Variants in NCKAP5 observed in about 807,000 individuals in gnomAD.
The protein encoded by NCKAP5 is nck-associated protein 5.
In NCKAP5, 92 loss-of-function variants were observed where a neutral mutation model predicts 167.0. The observed-to-expected ratio is 0.55, with a 90% CI of 0.47 to 0.66. NCKAP5 has a LOEUF of 0.66. NCKAP5 is among the 30% of genes least tolerant of loss of function. NCKAP5 has a pLI of 0.00. For synonymous variants in NCKAP5, 891 were observed against 877.4 expected, an observed-to-expected ratio of 1.02 and a Z score of -0.27; for missense variants, 2,378 against 2,315.0, an observed-to-expected ratio of 1.03 and a Z score of -0.56.
At chr2:132,698,357 AC>A (rs1436640833) in intron 19 of NCKAP5, among the ~76,000 whole-genome samples, 2 of 152,258 alleles carry the variant, frequency 1.3e-5, no homozygotes, top group Non-Finnish European at 2.9e-5. Context: ...TCTTTAGAGC[AC>A]AAAAGGCAGA....
At chr2:133,231,054 G>T (rs1035326706) in intron 4 of NCKAP5, among the ~76,000 whole-genome samples, 4 of 152,134 alleles carry the variant, frequency 2.6e-5, no homozygotes, top group Non-Finnish European at 5.9e-5. Flanking sequence ...ATATTGTGAG[G>T]CTCCCTCCAA....
intron 8 of NCKAP5, chr2:132,911,028 C>T (rs1168318409): frequency 5.4e-6 from 1 of 186,574 alleles, no homozygotes; most frequent in Non-Finnish European, 1.2e-5. Flanking sequence ...GCCATGTTGT[C>T]TTCTGACCGA....
intron 19 of NCKAP5, among the ~76,000 whole-genome samples, chr2:132,698,864 A>C (rs1687592737): frequency 6.6e-6 from 1 of 152,034 alleles, no homozygotes; most frequent in African/African-American, 2.4e-5. Context: ...AACAAAAAAA[A>C]AAGTGCAAAT....
At chr2:133,016,426 C>G (rs1043491373) in intron 6 of NCKAP5, among the ~76,000 whole-genome samples, 4 of 152,126 alleles carry the variant, frequency 2.6e-5, no homozygotes, top group Non-Finnish European at 4.4e-5. Context: ...TGCATTTCAC[C>G]AAAATCTGAT....
At chr2:133,613,347 A>G in the NCKAP5 span, among the ~76,000 whole-genome samples, 1 of 152,214 alleles carries the variant, frequency 6.6e-6, no homozygotes, top group Non-Finnish European at 1.5e-5. Context: ...ATAATTATTA[A>G]GAAAGATTTT....
At chr2:133,585,494 G>A in the NCKAP5 span, among the ~76,000 whole-genome samples, 3 of 152,134 alleles carry the variant, frequency 2.0e-5, no homozygotes, top group Non-Finnish European at 2.9e-5. Flanking sequence ...TGGTTGAGTC[G>A]GGAATGCAGG....
chr2:133,171,963 G>A (rs1433338057), intron 5 of NCKAP5, among the ~76,000 whole-genome samples: 1 of 152,126 alleles, frequency 6.6e-6, no homozygotes, highest in Non-Finnish European at 1.5e-5. Context: ...ATGATAAAAT[G>A]TCTATTTGAC....
At chr2:133,029,144 T>C (rs1207430772) in intron 6 of NCKAP5, among the ~76,000 whole-genome samples, 1 of 152,228 alleles carries the variant, frequency 6.6e-6, no homozygotes, top group Non-Finnish European at 1.5e-5. Context: ...GGTTCTCGGC[T>C]ATGTCCTAGG....
At chr2:132,691,775 G>A (rs1686761909) in intron 19 of NCKAP5, among the ~76,000 whole-genome samples, 1 of 152,032 alleles carries the variant, frequency 6.6e-6, no homozygotes, top group Non-Finnish European at 1.5e-5. Flanking sequence ...CCCCAAGATA[G>A]CCTCTCCTCC....
At chr2:132,994,024 G>A (rs2077519803) in intron 7 of NCKAP5, 128 bp downstream of exon 7, 1 of 562,070 alleles carries the variant, frequency 1.8e-6, no homozygotes, top group Non-Finnish European at 3.1e-6. Flanking sequence ...GAGGTGACTA[G>A]GTGGCTTTTA....
chr2:132,783,575 G>A lies in NCKAP5; in HGVS notation c.3236C>T (p.Thr1079Met), dbSNP rs375896892. 73 of 1,613,824 alleles carry A rather than the reference G, an allele frequency of 4.5e-5. No homozygotes were observed. The highest frequency in any genetic ancestry group is 3.0e-4 in the Admixed American group (18 of 59,992). Residue 1079 changes from threonine (T) to methionine (M), a missense_variant, in exon 14 of 20, where the codon ACG (threonine) becomes ATG (methionine). Transcript: ENST00000409261. ...SPSTHEPLEM[T>M]SSKSVSPGRK... ...CCCTGGAGATACACTTTTGGAGGAC[G>A]TCATTTCCAGTGGCTCATGGGTTGA...
chr2:133,417,171 G>A (rs1265937578), intron 3 of NCKAP5, among the ~76,000 whole-genome samples: 1 of 150,216 alleles, frequency 6.7e-6, no homozygotes, highest in Non-Finnish European at 1.5e-5. Context: ...TTCTTTTAAG[G>A]ACCACAGGCA....
intron 3 of NCKAP5, among the ~76,000 whole-genome samples, chr2:133,438,045 T>C (rs1279997813): frequency 6.6e-6 from 1 of 152,240 alleles, no homozygotes; most frequent in East Asian, 1.9e-4. Context: ...CAGTTCCCCC[T>C]TGGGATTTTT....
At chr2:132,870,913 A>C (rs1690763167) in intron 9 of NCKAP5, among the ~76,000 whole-genome samples, 1 of 152,068 alleles carries the variant, frequency 6.6e-6, no homozygotes, top group African/African-American at 2.4e-5. Flanking sequence ...GACTAAAATC[A>C]GATTATCTGT....
At chr2:132,675,087 A>G (rs1684260538) in intron 19 of NCKAP5, among the ~76,000 whole-genome samples, 1 of 151,996 alleles carries the variant, frequency 6.6e-6, no homozygotes, top group Non-Finnish European at 1.5e-5. Context: ...AAGAACCACA[A>G]GTATTTTTCT....
intron 11 of NCKAP5, among the ~76,000 whole-genome samples, chr2:132,840,436 C>T (rs112487934): frequency 3.7e-4 from 56 of 152,064 alleles, no homozygotes; most frequent in Middle Eastern, 6.8e-3. Flanking sequence ...CCACCATGCC[C>T]GACTAATTTT....
intron 8 of NCKAP5, chr2:132,930,616 T>C (rs751013734): frequency 6.6e-6 from 1 of 152,252 alleles, no homozygotes; most frequent in Non-Finnish European, 1.5e-5. Flanking sequence ...ACTGTGGACT[T>C]GATCTGAATT....
At chr2:133,154,051 A>G (rs1460068173) in intron 5 of NCKAP5, among the ~76,000 whole-genome samples, 1 of 151,950 alleles carries the variant, frequency 6.6e-6, no homozygotes, top group Non-Finnish European at 1.5e-5. Flanking sequence ...CATTTTGGCC[A>G]AGCTGGTCTC....
chr2:133,091,035 G>A (rs1435132031), intron 6 of NCKAP5, among the ~76,000 whole-genome samples: 1 of 152,026 alleles, frequency 6.6e-6, no homozygotes, highest in Non-Finnish European at 1.5e-5. Context: ...ACACGATCTG[G>A]TTATTTAAAG....
Sources: gnomAD v4.1 joint callset for allele counts (sites outside exome capture counted in the v4.1 genomes callset) on GRCh38, gnomAD v4.1.1 for gene constraint, MANE v1.5 for transcripts, NCBI Gene and HGNC (gene_info 2026-07-23, HGNC 2026-07-21) for gene names.